The following RBM39 variants were observed in gnomAD, a reference collection of about 807,000 sequenced individuals.
The protein encoded by RBM39 is RNA-binding protein 39.
Under a neutral mutation model 79.6 loss-of-function variants are expected in RBM39, and 12 were observed. The observed-to-expected ratio is 0.15, with a 90% CI of 0.10 to 0.24. The LOEUF (loss-of-function observed/expected upper bound fraction) is 0.24. Ranked by LOEUF, RBM39 falls within the 10% of genes least tolerant of loss-of-function variation. The pLI, the probability that RBM39 is intolerant of heterozygous loss-of-function variation, is 1.00. For missense variants in RBM39, 243 were observed against 653.4 expected (o/e 0.37, Z 6.85); for synonymous variants, 185 against 208.4 (o/e 0.89, Z 0.97).
At chr20:35,738,322 T>C (rs142813731) in intron 3 of RBM39, among the ~76,000 whole-genome samples, 184 of 152,350 alleles carry the variant, frequency 1.2e-3, no homozygotes, top group African/African-American at 4.0e-3. Flanking sequence ...CTAAGACTTT[T>C]CGTACACTGT....
Position 35,718,865 on chromosome 20 carries a change from CCCAGCTGCTAGG to C in RBM39, c.826-2072_826-2061del, listed in dbSNP as rs199998957. ...AGGCATGGCGGCATGCACCTATAAT[CCCAGCTGCTAGG>C]GAAGCTGTAGAAGAATTGCTTGAAC... On this transcript the variant is annotated intron_variant, in intron 9 of 16. Coordinates refer to ENST00000253363, the MANE Select transcript of RBM39 (RefSeq NM_184234.3). Among the ~76,000 whole-genome samples the C allele has an allele frequency of 5.3e-3, 786 of 147,232 alleles. 20 individuals carry two copies. Among genetic ancestry groups the C allele is most frequent in the African/African-American group, 0.019 (746 of 39,866 alleles).
intron 3 of RBM39, among the ~76,000 whole-genome samples, chr20:35,735,633 T>A (rs1000147554): frequency 1.3e-5 from 2 of 152,240 alleles, no homozygotes; most frequent in Non-Finnish European, 1.5e-5. Context: ...ATGTTTTATA[T>A]CTATTCCTAA....
Position 35,716,737 on chromosome 20 carries a change from T to C in RBM39, c.891+3A>G, listed in dbSNP as rs750709920. 8 of 1,544,572 alleles carry C rather than the reference T, an allele frequency of 5.2e-6. No individual in the cohort carries two copies. In the Admixed American group the frequency reaches 1.4e-4, roughly 28 times the overall value. On this transcript the variant is annotated splice_donor_region_variant and intron_variant, in intron 10 of 16. Coordinates refer to ENST00000253363, the MANE Select transcript of RBM39 (RefSeq NM_184234.3). ...AAGTAATATAATTATGGTAATTACT[T>C]ACTGTAATAAATCCATATCCCTTGG...
chr20:35,726,880 C>T (rs2038766022), intron 6 of RBM39, among the ~76,000 whole-genome samples: 1 of 152,070 alleles, frequency 6.6e-6, no homozygotes, highest in Admixed American at 6.6e-5. Flanking sequence ...GGCTGGAGTG[C>T]AGTGGTGTGA....
intron 8 of RBM39, among the ~76,000 whole-genome samples, chr20:35,722,228 A>AACCATACTGGCT (rs2038035752): frequency 2.6e-5 from 4 of 151,972 alleles, no homozygotes; most frequent in African/African-American, 9.7e-5. Context: ...TAACACAGTG[A>AACCATACTGGCT]AACACCATCT....
rs2035301367 is a variant in RBM39 at position 35,701,898 on chromosome 20, G to C, written c.*2583C>G. ...GCATAAGGCACCACGTCCAGCCCGA[G>C]GTTGTTATTTAGATATACCTAGTGG... On this transcript the variant is annotated 3_prime_UTR_variant, in exon 17 of 17. Transcript: ENST00000253363. The C allele has an allele frequency of 6.6e-6, 1 of 151,984 alleles. No individual in the cohort carries two copies. The highest frequency in any genetic ancestry group is 2.1e-4 in the South Asian group (1 of 4,818). The allele number at this position is 151,984 out of a possible 1,614,324, so 9.4% of individuals were successfully genotyped here.
chr20:35,740,484 C>A, intron 2 of RBM39: 1 of 1,203,174 alleles, frequency 8.3e-7, no homozygotes, highest in Non-Finnish European at 1.1e-6. Context: ...GTCATTTTAC[C>A]TAGGGGACCA....
intron 4 of RBM39, among the ~76,000 whole-genome samples, chr20:35,731,156 G>C (rs1199384392): frequency 6.6e-6 from 1 of 152,144 alleles, no homozygotes; most frequent in African/African-American, 2.4e-5. Flanking sequence ...AATCTTAGAA[G>C]TTAGAAGGGT....
At chr20:35,723,750 T>C (rs1411831914) in intron 8 of RBM39, among the ~76,000 whole-genome samples, 1 of 152,192 alleles carries the variant, frequency 6.6e-6, no homozygotes, top group Non-Finnish European at 1.5e-5. Context: ...AATACTAAAA[T>C]ATTAAATGCT....
chr20:35,737,346 C>T (rs934909024), intron 3 of RBM39, among the ~76,000 whole-genome samples: 2 of 145,118 alleles, frequency 1.4e-5, no homozygotes, highest in Admixed American at 1.4e-4. Flanking sequence ...GCCAAGACTG[C>T]GCCACTGCAC....
chr20:35,714,447 T>G, intron 10 of RBM39, 58 bp from the exon 11 acceptor site: 1 of 1,489,104 alleles, frequency 6.7e-7, no homozygotes, highest in Non-Finnish European at 8.9e-7. Flanking sequence ...AAATACAAAC[T>G]ATACTTAAAA....
intron 13 of RBM39, 66 bp from the exon 14 acceptor site, chr20:35,707,267 T>A: frequency 1.7e-6 from 2 of 1,205,860 alleles, no homozygotes; most frequent in Non-Finnish European, 2.3e-6. Context: ...ATAAATACTT[T>A]AAAACGAAAC....
intron 6 of RBM39, among the ~76,000 whole-genome samples, chr20:35,727,721 C>A (rs2038908127): frequency 6.6e-6 from 1 of 150,488 alleles, no homozygotes; most frequent in Non-Finnish European, 1.5e-5. Flanking sequence ...GCGATCTCGG[C>A]TCACTGCAAC....
intron 2 of RBM39, chr20:35,739,388 A>G (rs1168625871): frequency 2.1e-6 from 1 of 472,650 alleles, no homozygotes; most frequent in South Asian, 1.5e-5. Flanking sequence ...CCCTTTGGTC[A>G]GTACCATGGC....
chr20:35,739,138 T>C (rs1431321063), intron 2 of RBM39, 121 bp from the exon 3 acceptor site: 8 of 863,706 alleles, frequency 9.3e-6, no homozygotes, highest in South Asian at 1.5e-5. Flanking sequence ...TATTTACTTA[T>C]AGTTTAACAT....
intron 3 of RBM39, among the ~76,000 whole-genome samples, 176 bp downstream of exon 3, chr20:35,738,792 A>G (rs535804327): frequency 1.3e-5 from 2 of 152,362 alleles, no homozygotes; most frequent in East Asian, 1.9e-4. Flanking sequence ...TCTAAGCAAA[A>G]AAATCCACAG....
chr20:35,740,478 T>C (rs1424476698), intron 2 of RBM39: 35 of 1,171,558 alleles, frequency 3.0e-5, no homozygotes, highest in Non-Finnish European at 4.0e-5. Context: ...AGTTGAGTCA[T>C]TTTACCTAGG....
At chr20:35,739,236 T>G (rs1469886030) in intron 2 of RBM39, 1 of 580,590 alleles carries the variant, frequency 1.7e-6, no homozygotes, top group Non-Finnish European at 3.1e-6. Flanking sequence ...ATAAAAAAAT[T>G]TTCCATATTA....
intron 13 of RBM39, among the ~76,000 whole-genome samples, chr20:35,708,398 T>TA (rs1378935956): frequency 6.6e-6 from 1 of 152,070 alleles, no homozygotes; most frequent in Non-Finnish European, 1.5e-5. Context: ...CTATGAATAC[T>TA]AAAAAATATT....
Sources: allele counts gnomAD v4.1 joint callset (sites outside exome capture counted in the v4.1 genomes callset), GRCh38; gene constraint gnomAD v4.1.1; transcripts MANE v1.5; gene names NCBI Gene and HGNC (gene_info 2026-07-23, HGNC 2026-07-21).